NOL4: variants seen among roughly 807,000 people sequenced by gnomAD.
The protein encoded by NOL4 is cancer/testis antigen 125.
NOL4 carries 17 observed loss-of-function variants against 75.9 expected under a neutral mutation model. The observed-to-expected ratio is 0.22, with a 90% CI of 0.15 to 0.34. NOL4 has a LOEUF of 0.34. Among genes scored for constraint, NOL4 ranks in the 10% least tolerant of loss-of-function variants. NOL4 has a pLI of 1.00. For synonymous variants in NOL4, 292 were observed against 289.9 expected, an observed-to-expected ratio of 1.01 and a Z score of -0.07; for missense variants, 614 against 793.5, an observed-to-expected ratio of 0.77 and a Z score of 2.72.
intron 6 of NOL4, among the ~76,000 whole-genome samples, chr18:33,995,466 G>A (rs914891516): frequency 5.3e-5 from 8 of 151,450 alleles, no homozygotes; most frequent in African/African-American, 1.9e-4. Flanking sequence ...CTAAAAAACT[G>A]TCAATCATAT....
At chr18:33,934,241 CTTG>C (rs1431974981) in intron 9 of NOL4, among the ~76,000 whole-genome samples, 4 of 151,912 alleles carry the variant, frequency 2.6e-5, no homozygotes, top group Non-Finnish European at 5.9e-5. Flanking sequence ...TCATCCAGGC[CTTG>C]TTGTTTCATT....
chr18:34,158,505 A>G (rs2030855656), intron 1 of NOL4: 1 of 152,182 alleles, frequency 6.6e-6, no homozygotes, highest in Non-Finnish European at 1.5e-5. Context: ...AGAGCCCAGA[A>G]AAGAGATTTT....
chr18:34,044,864 GTTCT>G (rs2076292620), intron 5 of NOL4, among the ~76,000 whole-genome samples: 1 of 152,068 alleles, frequency 6.6e-6, no homozygotes, highest in Non-Finnish European at 1.5e-5. Flanking sequence ...AGTCTTGAAG[GTTCT>G]TTCTTTAATG....
At chr18:33,864,348 C>T (rs1239103414) in intron 10 of NOL4, among the ~76,000 whole-genome samples, 2 of 152,126 alleles carry the variant, frequency 1.3e-5, no homozygotes, top group African/African-American at 4.8e-5. Context: ...TGCCCTGTTT[C>T]TGTTTGAAAC....
intron 6 of NOL4, among the ~76,000 whole-genome samples, chr18:33,972,629 T>C (rs1327060196): frequency 6.6e-6 from 1 of 152,140 alleles, no homozygotes; most frequent in Non-Finnish European, 1.5e-5. Context: ...CAGGCATACA[T>C]TGGAGATATT....
chr18:34,178,900 T>C (rs1050493740), intron 1 of NOL4, among the ~76,000 whole-genome samples: 2 of 151,724 alleles, frequency 1.3e-5, no homozygotes, highest in Non-Finnish European at 3.0e-5. Context: ...TAGTTTTCTC[T>C]ATTGTACATG....
At chr18:34,035,466 T>C (rs2075845459) in intron 5 of NOL4, among the ~76,000 whole-genome samples, 1 of 151,976 alleles carries the variant, frequency 6.6e-6, no homozygotes, top group Non-Finnish European at 1.5e-5. Flanking sequence ...GCAAAAACAG[T>C]ACTAAGAGGG....
intron 6 of NOL4, among the ~76,000 whole-genome samples, chr18:33,960,522 C>A (rs1370969034): frequency 6.6e-6 from 1 of 152,122 alleles, no homozygotes; most frequent in Non-Finnish European, 1.5e-5. Context: ...TCAATCATTT[C>A]TTCCCTCAGC....
chr18:34,174,197 A>C (rs2033321849), intron 1 of NOL4, among the ~76,000 whole-genome samples: 1 of 152,174 alleles, frequency 6.6e-6, no homozygotes, highest in Non-Finnish European at 1.5e-5. Flanking sequence ...TGTCAGGCTA[A>C]AATTGTACTG....
intron 10 of NOL4, among the ~76,000 whole-genome samples, chr18:33,854,909 C>T (rs1259574699): frequency 6.6e-6 from 1 of 151,862 alleles, no homozygotes; most frequent in African/African-American, 2.4e-5. Context: ...TACACCCTAC[C>T]GCTGGCTCAG....
chr18:33,968,518 A>T (rs1255776291), intron 6 of NOL4, among the ~76,000 whole-genome samples: 1 of 152,228 alleles, frequency 6.6e-6, no homozygotes, highest in Non-Finnish European at 1.5e-5. Context: ...GAATTAACAC[A>T]GAAAGAGAAA....
At chr18:33,934,443 C>T (rs1238098052) in intron 9 of NOL4, among the ~76,000 whole-genome samples, 3 of 152,126 alleles carry the variant, frequency 2.0e-5, no homozygotes, top group Non-Finnish European at 4.4e-5. Context: ...TACTAGGTGG[C>T]ACCTTTTCCC....
At chr18:33,906,914 A>G (rs1005931932) in intron 9 of NOL4, among the ~76,000 whole-genome samples, 3 of 152,206 alleles carry the variant, frequency 2.0e-5, no homozygotes, top group Non-Finnish European at 4.4e-5. Flanking sequence ...CTGTTCTGTT[A>G]TATAATTATC....
At chr18:33,916,959 T>C (rs1185415011) in intron 9 of NOL4, among the ~76,000 whole-genome samples, 2 of 152,176 alleles carry the variant, frequency 1.3e-5, no homozygotes, top group African/African-American at 2.4e-5. Flanking sequence ...ATAGACTATT[T>C]CTCCATGAAT....
intron 9 of NOL4, among the ~76,000 whole-genome samples, chr18:33,926,358 CAAAAAAAAAAAAAAA>C (rs67803985): frequency 2.1e-5 from 1 of 46,528 alleles, no homozygotes; most frequent in Non-Finnish European, 3.7e-5. Context: ...GACTCCATCT[CAAAAAAAAAAAAAAA>C]AAAAAAAAAA....
chr18:33,948,392 A>C (rs1293284653), intron 8 of NOL4, among the ~76,000 whole-genome samples: 2 of 151,974 alleles, frequency 1.3e-5, no homozygotes, highest in African/African-American at 4.8e-5. Flanking sequence ...ATCTATACCT[A>C]AAGGCATAAT....
At chr18:33,881,138 G>A (rs1351863447) in intron 10 of NOL4, among the ~76,000 whole-genome samples, 5 of 151,548 alleles carry the variant, frequency 3.3e-5, no homozygotes, top group Non-Finnish European at 5.9e-5. Flanking sequence ...TTGTGAATGG[G>A]AGTTCACTCA....
intron 5 of NOL4, among the ~76,000 whole-genome samples, chr18:34,020,734 T>C (rs551508940): frequency 1.4e-4 from 21 of 152,246 alleles, no homozygotes; most frequent in Non-Finnish European, 2.8e-4. Flanking sequence ...CAAAAGAGTG[T>C]GGTTGGTATG....
chr18:34,100,691 A>G (rs1432070490), intron 4 of NOL4, among the ~76,000 whole-genome samples: 1 of 152,066 alleles, frequency 6.6e-6, no homozygotes, highest in East Asian at 1.9e-4. Flanking sequence ...TCCCAAATCA[A>G]AGTTATTGGG....
Sources: gnomAD v4.1 joint callset for allele counts (sites outside exome capture counted in the v4.1 genomes callset) on GRCh38, gnomAD v4.1.1 for gene constraint, MANE v1.5 for transcripts, NCBI Gene and HGNC (gene_info 2026-07-23, HGNC 2026-07-21) for gene names.